Variants in CCDC85C observed in about 807,000 individuals in gnomAD.
CCDC85C encodes the protein coiled-coil domain-containing protein 85C.
A neutral mutation model predicts 38.3 loss-of-function variants in CCDC85C; 18 were observed. The observed-to-expected ratio is 0.47, with a 90% CI of 0.33 to 0.70. The LOEUF is 0.70. Ranked by LOEUF, CCDC85C falls within the 30% of genes least tolerant of loss-of-function variation. The pLI is 0.03. For missense variants in CCDC85C, 566 were observed against 621.2 expected (o/e 0.91, Z 0.94); for synonymous variants, 264 against 293.8 (o/e 0.90, Z 1.04).
chr14:99,527,432 C>T (rs916884317), intron 2 of CCDC85C, among the ~76,000 whole-genome samples: 2 of 152,072 alleles, frequency 1.3e-5, no homozygotes, highest in African/African-American at 2.4e-5. Flanking sequence ...TATTCTGGGG[C>T]GGGCAGTCTC....
At chr14:99,529,849 G>A (rs1264126646) in intron 2 of CCDC85C, among the ~76,000 whole-genome samples, 2 of 152,246 alleles carry the variant, frequency 1.3e-5, no homozygotes, top group South Asian at 2.1e-4. Context: ...CAATGGACAG[G>A]AAAGATCACG....
chr14:99,556,245 C>T lies in CCDC85C; in HGVS notation c.794-20157G>A, dbSNP rs913987378. ...CAGTCTGGGCAACATAGCGGCATCCCGCCTCCACAGAACATTTTTAAAATT... is the reference window on the plus strand; with the variant it reads ...CAGTCTGGGCAACATAGCGGCATCCTGCCTCCACAGAACATTTTTAAAATT... On this transcript the variant is annotated intron_variant, in intron 1 of 5. Transcript: ENST00000380243. Among the ~76,000 whole-genome samples the T allele has an allele frequency of 5.9e-5, 9 of 152,300 alleles. No individual in the cohort carries two copies. In the South Asian group the frequency reaches 6.2e-4, roughly 11 times the overall value.
intron 2 of CCDC85C, among the ~76,000 whole-genome samples, chr14:99,528,734 C>T (rs931743089): frequency 1.3e-5 from 2 of 152,212 alleles, no homozygotes; most frequent in South Asian, 2.1e-4. Flanking sequence ...GCAAGGTCGC[C>T]CACAAGAGCT....
chr14:99,516,661 T>C lies in CCDC85C; in HGVS notation c.1072-375A>G, dbSNP rs917580120. On this transcript the variant is annotated intron_variant, in intron 4 of 5. Coordinates refer to ENST00000380243, the MANE Select transcript of CCDC85C (RefSeq NM_001144995.2). The surrounding 1 kb of genome is among the most constrained non-coding windows in gnomAD (Gnocchi z 5.5). Reference sequence around the variant, plus strand: ...TGCATGTGGGATGTCATGGGGCACGTACGTAGGAGGAAGGGGGGCATGGGA... The same window carrying C: ...TGCATGTGGGATGTCATGGGGCACGCACGTAGGAGGAAGGGGGGCATGGGA... Among the ~76,000 whole-genome samples the C allele has an allele frequency of 1.2e-4, 18 of 151,722 alleles. No individual in the cohort carries two copies. The highest frequency in any genetic ancestry group is 2.2e-4 in the Non-Finnish European group (15 of 67,912).
At chr14:99,522,457 G>A (rs1897316663) in intron 2 of CCDC85C, 2 of 462,580 alleles carry the variant, frequency 4.3e-6, no homozygotes, top group Non-Finnish European at 7.8e-6. Flanking sequence ...TCTCCAACGT[G>A]GGCTTTGTAA....
intron 1 of CCDC85C, among the ~76,000 whole-genome samples, chr14:99,589,205 G>A (rs1005793020): frequency 1.1e-4 from 17 of 150,962 alleles, no homozygotes; most frequent in Admixed American, 4.0e-4. Context: ...CACAGCCACG[G>A]CCGGGATCAA....
chr14:99,529,890 G>A (rs531910414), intron 2 of CCDC85C, among the ~76,000 whole-genome samples: 69 of 152,336 alleles, frequency 4.5e-4, no homozygotes, highest in African/African-American at 1.5e-3. Context: ...ACCGCCAACC[G>A]CCCGACTCCC....
At chr14:99,527,103 C>A (rs1289707112) in intron 2 of CCDC85C, among the ~76,000 whole-genome samples, 1 of 152,226 alleles carries the variant, frequency 6.6e-6, no homozygotes, top group Non-Finnish European at 1.5e-5. Context: ...CTTGACCCCA[C>A]GGGAACTGCA....
At chr14:99,534,281 G>A (rs1222485419) in intron 2 of CCDC85C, among the ~76,000 whole-genome samples, 1 of 151,984 alleles carries the variant, frequency 6.6e-6, no homozygotes, top group African/African-American at 2.4e-5. Flanking sequence ...CTTGAACCCG[G>A]GAGACAGAGG....
rs1897116074 is a variant in CCDC85C at position 99,510,933 on chromosome 14, G to A, written c.*4313C>T. On this transcript the variant is annotated 3_prime_UTR_variant, in exon 6 of 6. Coordinates refer to ENST00000380243, the MANE Select transcript of CCDC85C (RefSeq NM_001144995.2). ...ACCGGGCCCCTGGGATAAAATCAGA[G>A]TGGTCCTCACACCTAGAGGACGGGG... The A allele has an allele frequency of 1.5e-6, 1 of 648,070 alleles. No individual in the cohort carries two copies. The highest frequency in any genetic ancestry group is 2.3e-6 in the Non-Finnish European group (1 of 443,112). 40.1% of individuals were successfully genotyped at this position (648,070 alleles called of 1,614,324 possible). A position where few individuals can be genotyped will look rare whatever the true frequency, so the allele number is the denominator to read the frequency against.
chr14:99,509,994 T>C lies in CCDC85C; in HGVS notation c.*5252A>G, dbSNP rs1332139165. 4 of 672,024 alleles carry C rather than the reference T, an allele frequency of 6.0e-6. No individual in the cohort carries two copies. Among genetic ancestry groups the C allele is most frequent in the Non-Finnish European group, 9.9e-6 (4 of 402,568 alleles). The allele number at this position is 672,024 out of a possible 1,614,324, so 41.6% of individuals were successfully genotyped here. On this transcript the variant is annotated 3_prime_UTR_variant, in exon 6 of 6. Transcript: ENST00000380243. ...TCTTGACAGATGGTGGGGAGACATC[T>C]GGTGGCATCAGGACATGGGGCATGG...
chr14:99,544,490 G>A lies in CCDC85C; in HGVS notation c.794-8402C>T, dbSNP rs76008336. On this transcript the variant is annotated intron_variant, in intron 1 of 5. Coordinates refer to ENST00000380243, the MANE Select transcript of CCDC85C (RefSeq NM_001144995.2). The surrounding 1 kb of genome is among the most constrained non-coding windows in gnomAD (Gnocchi z 5.3). The stretch of plus-strand genomic sequence containing the variant: ...TAAAAACAGGGCTAAAATTTGAAGG[G>A]TGTGTGTGTGTGTGTGTGTGTGTGT... 0.023 allele frequency among the ~76,000 whole-genome samples: 2,800 copies of A among 121,200 alleles called. 97 individuals are homozygous for A. Among genetic ancestry groups the A allele is most frequent in the African/African-American group, 0.11 (2,678 of 25,274 alleles). 79.5% of individuals were successfully genotyped at this position (121,200 alleles called of 152,430 possible).
intron 4 of CCDC85C, 39 bp downstream of exon 4, chr14:99,517,049 C>CA (rs2139896416): frequency 6.6e-7 from 1 of 1,523,078 alleles, no homozygotes; most frequent in East Asian, 2.5e-5. Context: ...GTGCACCCAG[C>CA]ATCTGAGGAC....
At position 99,506,969 on chromosome 14, in the gene CCDC85C, CTGT is replaced by C. The variant is rs1312359091; in HGVS notation, c.*8274_*8276del. The C allele has an allele frequency of 5.5e-5, 43 of 788,280 alleles. No homozygotes were observed. Among genetic ancestry groups the C allele is most frequent in the Middle Eastern group, 2.3e-4 (1 of 4,442 alleles). 48.8% of individuals were successfully genotyped at this position (788,280 alleles called of 1,614,324 possible). A position where few individuals can be genotyped will look rare whatever the true frequency, so the allele number is the denominator to read the frequency against. On this transcript the variant is annotated 3_prime_UTR_variant, in exon 6 of 6. Coordinates refer to ENST00000380243, the MANE Select transcript of CCDC85C (RefSeq NM_001144995.2). The stretch of plus-strand genomic sequence containing the variant: ...AGTTCCCTTAAAGCCTTGGTCATCT[CTGT>C]TGTTTTTCTCCCAAAGAAATCTCTG...
At chr14:99,534,014 A>G (rs1182737802) in intron 2 of CCDC85C, among the ~76,000 whole-genome samples, 1 of 152,188 alleles carries the variant, frequency 6.6e-6, no homozygotes, top group African/African-American at 2.4e-5. Flanking sequence ...TGGAAACAGG[A>G]CCATGAGCTG....
chr14:99,583,894 G>A (rs955038072), intron 1 of CCDC85C, among the ~76,000 whole-genome samples: 2 of 151,888 alleles, frequency 1.3e-5, no homozygotes, highest in African/African-American at 4.8e-5. Context: ...AGAAATGAGT[G>A]TGTGTAACAG....
intron 1 of CCDC85C, among the ~76,000 whole-genome samples, chr14:99,566,885 T>C (rs10873506): frequency 0.58 from 87,897 of 152,068 alleles, 26,070 homozygotes; most frequent in African/African-American, 0.72. Flanking sequence ...GGAAGGGGCC[T>C]AGATGGCTTC....
intron 1 of CCDC85C, among the ~76,000 whole-genome samples, chr14:99,570,009 G>C (rs1222197919): frequency 6.6e-6 from 1 of 152,012 alleles, no homozygotes; most frequent in Non-Finnish European, 1.5e-5. Context: ...TACCCTGAGT[G>C]GTTCACAGGT....
At chr14:99,554,545 T>C (rs533007607) in intron 1 of CCDC85C, among the ~76,000 whole-genome samples, 1 of 152,262 alleles carries the variant, frequency 6.6e-6, no homozygotes, top group South Asian at 2.1e-4. Context: ...TGCTGCCAGC[T>C]CCAAGCAGGT....
Sources: gnomAD v4.1 joint callset for allele counts (sites outside exome capture counted in the v4.1 genomes callset) on GRCh38, gnomAD v4.1.1 for gene constraint, Gnocchi (gnomAD v3.1) non-coding constraint, MANE v1.5 for transcripts, NCBI Gene and HGNC (gene_info 2026-07-23, HGNC 2026-07-21) for gene names.